LRRC4C: variants seen among roughly 807,000 people sequenced by gnomAD.
LRRC4C encodes the protein leucine rich repeat containing 4C.
In LRRC4C, 5 loss-of-function variants were observed where a neutral mutation model predicts 33.6. The observed-to-expected ratio is 0.15, with a 90% confidence interval of 0.08 to 0.31. The LOEUF (loss-of-function observed/expected upper bound fraction) is 0.31. LRRC4C is among the 10% of genes least tolerant of loss of function. LRRC4C has a pLI of 1.00. For synonymous variants in LRRC4C, 329 were observed against 302.0 expected (o/e 1.09, Z -0.93); for missense variants, 560 against 796.7 (o/e 0.70, Z 3.58).
At chr11:41,331,875 C>T (rs1951306547) in intron 1 of LRRC4C, among the ~76,000 whole-genome samples, 1 of 152,132 alleles carries the variant, frequency 6.6e-6, no homozygotes, top group Non-Finnish European at 1.5e-5. Context: ...GAACTATTAA[C>T]TTTTGTTTGT....
At chr11:40,618,328 A>G (rs566360650) in intron 3 of LRRC4C, among the ~76,000 whole-genome samples, 1 of 151,756 alleles carries the variant, frequency 6.6e-6, no homozygotes, top group South Asian at 2.1e-4. Context: ...TAGCCAAGAA[A>G]TGACCAAGAT....
intron 1 of LRRC4C, among the ~76,000 whole-genome samples, chr11:41,365,592 C>T (rs1952505749): frequency 6.6e-6 from 1 of 151,928 alleles, no homozygotes; most frequent in Non-Finnish European, 1.5e-5. Flanking sequence ...TTTATAAGTC[C>T]TTTATATAAT....
chr11:41,374,761 T>C (rs1952875342), intron 1 of LRRC4C, among the ~76,000 whole-genome samples: 1 of 152,180 alleles, frequency 6.6e-6, no homozygotes, highest in Non-Finnish European at 1.5e-5. Flanking sequence ...ATTAAAATTA[T>C]GTAGGAAAAT....
chr11:40,222,562 C>T (rs924133084), intron 5 of LRRC4C, among the ~76,000 whole-genome samples: 4 of 152,150 alleles, frequency 2.6e-5, no homozygotes, highest in Non-Finnish European at 4.4e-5. Context: ...TGCTATAACA[C>T]ATTTACCTAT....
At chr11:41,125,449 A>G (rs1942689129) in intron 1 of LRRC4C, among the ~76,000 whole-genome samples, 1 of 152,190 alleles carries the variant, frequency 6.6e-6, no homozygotes, top group Non-Finnish European at 1.5e-5. Flanking sequence ...AACACTAAGT[A>G]TTATTATGTA....
intron 1 of LRRC4C, among the ~76,000 whole-genome samples, chr11:40,937,500 C>T (rs1957955557): frequency 6.6e-6 from 1 of 151,920 alleles, no homozygotes; most frequent in Non-Finnish European, 1.5e-5. Flanking sequence ...TACAGAGTAA[C>T]TAATACTAGG....
In LRRC4C at chr11:40,972,602, G is replaced by T. The variant is rs569999154; in HGVS notation, c.-495-38879C>A. On this transcript the variant is annotated intron_variant, in intron 1 of 6. Transcript: ENST00000528697. ...ACTCCCAGTTCAGCATGGCTTGGGA[G>T]GGCTGAAGAAACTTACAATTACGGC... Among the ~76,000 whole-genome samples the T allele has an allele frequency of 1.1e-4, 16 of 152,260 alleles. No homozygotes were observed. In the East Asian group the frequency reaches 3.1e-3, roughly 30 times the overall value.
intron 2 of LRRC4C, among the ~76,000 whole-genome samples, chr11:40,857,680 C>T (rs780127901): frequency 9.9e-5 from 15 of 151,920 alleles, no homozygotes; most frequent in African/African-American, 1.5e-4. Flanking sequence ...TTTGGGAGGC[C>T]GAGGCAGGTA....
chr11:40,706,222 C>T (rs1946162727), intron 2 of LRRC4C, among the ~76,000 whole-genome samples: 1 of 152,074 alleles, frequency 6.6e-6, no homozygotes, highest in Admixed American at 6.6e-5. Context: ...AATTAGATCC[C>T]ATTTGTCTAT....
At chr11:40,529,680 C>A (rs975957526) in intron 3 of LRRC4C, among the ~76,000 whole-genome samples, 1 of 151,992 alleles carries the variant, frequency 6.6e-6, no homozygotes, top group African/African-American at 2.4e-5. Flanking sequence ...AAACAAAAAC[C>A]ATTAGTTTGA....
At chr11:40,741,219 A>T (rs1948143274) in intron 2 of LRRC4C, among the ~76,000 whole-genome samples, 1 of 152,098 alleles carries the variant, frequency 6.6e-6, no homozygotes, top group African/African-American at 2.4e-5. Flanking sequence ...GGGAAGAGAG[A>T]TGAGTCAAGA....
intron 3 of LRRC4C, among the ~76,000 whole-genome samples, chr11:40,372,392 A>C (rs1948487711): frequency 1.3e-5 from 2 of 152,180 alleles, no homozygotes; most frequent in African/African-American, 4.8e-5. Context: ...AGAAGTACAC[A>C]AACCTTCTCT....
intron 3 of LRRC4C, among the ~76,000 whole-genome samples, chr11:40,480,306 C>T (rs1160261592): frequency 6.6e-6 from 1 of 151,130 alleles, no homozygotes; most frequent in Non-Finnish European, 1.5e-5. Context: ...TTTTAATCTA[C>T]TTTGAGCCTC....
At chr11:40,208,653 T>C (rs1262093612) in intron 5 of LRRC4C, among the ~76,000 whole-genome samples, 1 of 152,200 alleles carries the variant, frequency 6.6e-6, no homozygotes, top group Non-Finnish European at 1.5e-5. Context: ...TGAATATTCA[T>C]TTATTTTGCT....
At chr11:40,125,886 C>A (rs757480543) in intron 6 of LRRC4C, among the ~76,000 whole-genome samples, 2 of 152,128 alleles carry the variant, frequency 1.3e-5, no homozygotes, top group Admixed American at 6.6e-5. Flanking sequence ...TAATATAGAT[C>A]ATTTATTTTC....
intron 3 of LRRC4C, among the ~76,000 whole-genome samples, chr11:40,391,321 G>C (rs187101133): frequency 1.3e-5 from 2 of 152,048 alleles, no homozygotes; most frequent in African/African-American, 4.8e-5. Flanking sequence ...TCACCAGATT[G>C]ATAATTTTCA....
Position 41,438,131 on chromosome 11 carries a change from G to C in LRRC4C, c.-496+21300C>G, listed in dbSNP as rs73475916. Among the ~76,000 whole-genome samples the C allele has an allele frequency of 2.7e-3, 410 of 151,776 alleles. 1 individual carries two copies. The highest frequency in any genetic ancestry group is 9.4e-3 in the African/African-American group (390 of 41,418). ...GTCTTGGAGGAGTTTACAGCACTGGGGAAATGGATGAAGAAAAAAAGAGAC... is the reference window on the plus strand; with the variant it reads ...GTCTTGGAGGAGTTTACAGCACTGGCGAAATGGATGAAGAAAAAAAGAGAC... On this transcript the variant is annotated intron_variant, in intron 1 of 6. Transcript: ENST00000528697.
At position 40,114,782 on chromosome 11, in the gene LRRC4C, G is replaced by GT; in HGVS notation, c.1510dup (p.Thr504AsnfsTer8). On this transcript the variant is annotated frameshift_variant, in exon 7 of 7. Transcript: ENST00000528697. LOFTEE classifies it high-confidence loss of function. The stretch of plus-strand genomic sequence containing the variant: ...TATATCAGTCACTGGGATGGTGAAG[G>GT]TTTTCTCTGTCGACCTTGTGCTCTG... The GT allele has an allele frequency of 6.2e-7, 1 of 1,614,118 alleles. No homozygotes were observed.
intron 1 of LRRC4C, among the ~76,000 whole-genome samples, chr11:40,950,392 T>A (rs1050266469): frequency 6.6e-6 from 1 of 152,112 alleles, no homozygotes; most frequent in Admixed American, 6.6e-5. Context: ...ATGCTATTTG[T>A]CTATTTTTAT....
Sources: gnomAD v4.1 joint callset for allele counts (sites outside exome capture counted in the v4.1 genomes callset) on GRCh38, gnomAD v4.1.1 for gene constraint, MANE v1.5 for transcripts, NCBI Gene and HGNC (gene_info 2026-07-23, HGNC 2026-07-21) for gene names.